DNAH1: variants seen among roughly 807,000 people sequenced by gnomAD.
DNAH1 encodes the protein axonemal beta dynein heavy chain 1.
Under a neutral mutation model 484.3 loss-of-function variants are expected in DNAH1, and 327 were observed. The ratio of observed to expected loss-of-function variants is 0.68; its 90% CI spans 0.62 to 0.74. The LOEUF is 0.74. Among genes scored for constraint, DNAH1 ranks in the 30% least tolerant of loss-of-function variants. The pLI is 0.00. For synonymous variants in DNAH1, 2,192 were observed against 2,191.9 expected (o/e 1.00, Z 0.00); for missense variants, 5,052 against 5,546.8 (o/e 0.91, Z 2.83).
rs1559575655 is a variant in DNAH1 at position 52,396,648 on chromosome 3, CTGTGCTTGTTCCA to C, written c.11464_11476del (p.Cys3822GlyfsTer70). The C allele has an allele frequency of 2.5e-6, 4 of 1,613,602 alleles. No individual in the cohort carries two copies. The highest frequency in any genetic ancestry group is 3.4e-6 in the Non-Finnish European group (4 of 1,179,782). On this transcript the variant is annotated frameshift_variant, in exon 72 of 78. Transcript: ENST00000420323. LOFTEE classifies it high-confidence loss of function. ...GGAGTTCAAGTCTCTGCTGCTGTCT[CTGTGCTTGTTCCA>C]TGGGAACGCCCTGGAGCGCCGTAAG... is the stretch of plus-strand genomic sequence containing the variant.
At chr3:52,380,794 G>A (rs1358111866) in intron 48 of DNAH1, among the ~76,000 whole-genome samples, 2 of 152,210 alleles carry the variant, frequency 1.3e-5, no homozygotes, top group Non-Finnish European at 2.9e-5. Flanking sequence ...GATTGGAGTC[G>A]CCCCAAAAGT....
chr3:52,360,255 C>T, intron 27 of DNAH1, 56 bp from the exon 28 acceptor site: 1 of 1,545,740 alleles, frequency 6.5e-7, no homozygotes. Flanking sequence ...TGACTATATA[C>T]CCTGCCCAGT....
chr3:52,393,987 C>A (rs1262032226), intron 66 of DNAH1, among the ~76,000 whole-genome samples: 1 of 152,266 alleles, frequency 6.6e-6, no homozygotes, highest in Admixed American at 6.5e-5. Context: ...ATGTTGTGAG[C>A]ACAGGCCTTC....
At chr3:52,377,952 T>C (rs1703674825) in intron 46 of DNAH1, among the ~76,000 whole-genome samples, 1 of 152,164 alleles carries the variant, frequency 6.6e-6, no homozygotes, top group Admixed American at 6.5e-5. Flanking sequence ...GGAGTGTGTC[T>C]GTTTGGGTCA....
intron 10 of DNAH1, among the ~76,000 whole-genome samples, chr3:52,346,003 G>C (rs1041743859): frequency 3.3e-5 from 5 of 152,202 alleles, no homozygotes; most frequent in African/African-American, 1.2e-4. Context: ...GTCTTAGAAG[G>C]GGGAGCAGGA....
chr3:52,325,445 C>T (rs1701301266), intron 3 of DNAH1, among the ~76,000 whole-genome samples: 1 of 152,164 alleles, frequency 6.6e-6, no homozygotes, highest in Non-Finnish European at 1.5e-5. Context: ...AAAGCAAATG[C>T]CCACACCCCT....
chr3:52,351,121 A>G (rs116790763), intron 16 of DNAH1, among the ~76,000 whole-genome samples: 265 of 152,272 alleles, frequency 1.7e-3, no homozygotes, highest in Admixed American at 3.7e-3. Flanking sequence ...AACTGCTAGG[A>G]TTATAGGCGT....
At chr3:52,382,540 C>T (rs1175921251) in intron 50 of DNAH1, 85 bp downstream of exon 50, 1 of 1,564,064 alleles carries the variant, frequency 6.4e-7, no homozygotes, top group Non-Finnish European at 8.7e-7. Context: ...GTGGCCAGTC[C>T]TTCATGCCCA....
In DNAH1 at chr3:52,390,938, G is replaced by A. The variant is rs377382857; in HGVS notation, c.9625G>A (p.Ala3209Thr). 45 of 1,551,794 alleles carry A rather than the reference G, an allele frequency of 2.9e-5. No homozygotes were observed. The highest frequency in any genetic ancestry group is 1.8e-4 in the African/African-American group (13 of 73,162). ...TCCAGTGCCTGGCTCTCCACAGATC[G>A]CTGGCCTCCCCAACGACACACTGTC... ...NPVKIRSWQI[A>T]GLPNDTLSVE... Residue 3209 changes from alanine to threonine, a missense_variant, in exon 61 of 78, where the codon GCT (alanine) becomes ACT (threonine). Ala to Thr is a moderately conservative substitution (Grantham distance 58). Coordinates refer to ENST00000420323, the MANE Select transcript of DNAH1 (RefSeq NM_015512.5).
rs1418514320 is a variant in DNAH1, at chr3:52,339,008, TGGGTGACA to T, written c.1287-5480_1287-5473del. 9.2e-5 allele frequency among the ~76,000 whole-genome samples: 14 copies of T among 152,170 alleles called. No homozygotes were observed. The East Asian group carries it at 1.9e-3, about 21-fold the overall frequency. On this transcript the variant is annotated intron_variant, in intron 8 of 77. Coordinates refer to ENST00000420323, the MANE Select transcript of DNAH1 (RefSeq NM_015512.5). ...GAGTTTGTGCCACTGCACTCCAGCC[TGGGTGACA>T]GAGCCAGACTCCGTCTAAAAAAAAA...
At chr3:52,324,561 C>T (rs1164647376) in intron 3 of DNAH1, among the ~76,000 whole-genome samples, 1 of 152,068 alleles carries the variant, frequency 6.6e-6, no homozygotes, top group African/African-American at 2.4e-5. Flanking sequence ...TGCCCCTGTC[C>T]GCCCCTCCTC....
intron 65 of DNAH1, 99 bp from the exon 66 acceptor site, chr3:52,393,235 C>T: frequency 6.4e-7 from 1 of 1,567,348 alleles, no homozygotes; most frequent in Non-Finnish European, 8.7e-7. Flanking sequence ...GCCCAGGCTG[C>T]CCCTACGGCT....
chr3:52,329,728 G>A (rs1231669790), intron 6 of DNAH1, among the ~76,000 whole-genome samples: 1 of 151,986 alleles, frequency 6.6e-6, no homozygotes, highest in East Asian at 1.9e-4. Flanking sequence ...GGGAGGCTGA[G>A]GCAGGAGAAT....
At chr3:52,323,764 C>T (rs1414578990) in intron 2 of DNAH1, 44 bp from the exon 3 acceptor site, 1 of 1,533,806 alleles carries the variant, frequency 6.5e-7, no homozygotes, top group Admixed American at 1.9e-5. Context: ...CTGCCTGTCC[C>T]TGGGAGGTTG....
At position 52,358,839 on chromosome 3, in the gene DNAH1, T is replaced by A; in HGVS notation, c.4266+102T>A. 2 of 1,393,412 alleles carry A rather than the reference T, an allele frequency of 1.4e-6. No individual in the cohort carries two copies. Among genetic ancestry groups the A allele is most frequent in the Non-Finnish European group, 2.0e-6 (2 of 1,017,028 alleles). 86.3% of individuals were successfully genotyped at this position (1,393,412 alleles called of 1,614,324 possible). A position where few individuals can be genotyped will look rare whatever the true frequency, so the allele number is the denominator to read the frequency against. On this transcript the variant is annotated intron_variant, in intron 25 of 77. Transcript: ENST00000420323. This position sits in a 1 kb window ranked among gnomAD's most constrained non-coding sequence, Gnocchi z 4.2. ...CGGCCTCGTCCTCAGGCTGCAGCCC[T>A]GAGGTCCCTGGGGGCTCAGGCGGGA...
chr3:52,373,194 G>C (rs1471202354), intron 44 of DNAH1, 141 bp downstream of exon 44: 4 of 1,247,154 alleles, frequency 3.2e-6, no homozygotes, highest in Non-Finnish European at 4.2e-6. Flanking sequence ...AGGGGAGGAG[G>C]GGGGCCGGCT....
At position 52,396,937 on chromosome 3, in the gene DNAH1, A is replaced by T. The variant is rs1704660715; in HGVS notation, c.11680A>T (p.Ile3894Phe). The part of the protein sequence containing the change: ...RVTDDWDRRC[I>F]MNILEDFYNP... ...CACTGATGACTGGGACCGGCGCTGC[A>T]TCATGAACATCTTGGAGGACTTCTA... Residue 3894 changes from isoleucine (I) to phenylalanine (F), a missense_variant, in exon 73 of 78, where the codon ATC (isoleucine) becomes TTC (phenylalanine). Physicochemically the swap from Ile to Phe is conservative, Grantham distance 21. Transcript: ENST00000420323. 2 of 1,612,408 alleles carry T rather than the reference A, an allele frequency of 1.2e-6. No homozygotes were observed. The highest frequency in any genetic ancestry group is 1.7e-6 in the Non-Finnish European group (2 of 1,179,478).
chr3:52,384,834 G>A lies in DNAH1; in HGVS notation c.8371G>A (p.Glu2791Lys), dbSNP rs375976311. Residue 2791 changes from glutamate to lysine, a missense_variant, in exon 53 of 78, where the codon GAG (glutamate) becomes AAG (lysine). Coordinates refer to ENST00000420323, the MANE Select transcript of DNAH1 (RefSeq NM_015512.5). ...CCAGTCGGTGTCCAAGAAGTGCATC[G>A]AGTACCTGGCAGAGCTGACCCGCCA... ...IHQSVSKKCIEYLAELTRHNY... is the reference protein window; with the variant it reads ...IHQSVSKKCIKYLAELTRHNY... The A allele has an allele frequency of 7.5e-6, 12 of 1,604,584 alleles. No homozygotes were observed. Among genetic ancestry groups the A allele is most frequent in the African/African-American group, 2.7e-5 (2 of 74,636 alleles).
At position 52,381,077 on chromosome 3, in the gene DNAH1, G is replaced by T. The variant is rs1703823298; in HGVS notation, c.7609-563G>T. Among the ~76,000 whole-genome samples the T allele has an allele frequency of 1.3e-5, 2 of 152,002 alleles. No homozygotes were observed. The highest frequency in any genetic ancestry group is 1.3e-4 in the Admixed American group (2 of 15,254). On this transcript the variant is annotated intron_variant, in intron 48 of 77. Coordinates refer to ENST00000420323, the MANE Select transcript of DNAH1 (RefSeq NM_015512.5). This position sits in a 1 kb window ranked among gnomAD's most constrained non-coding sequence, Gnocchi z 4.1. The stretch of plus-strand genomic sequence containing the variant: ...TAACAATATGCTTGATCCCCCCGTG[G>T]GTTTTATTTTTGCTTTTGTTTTTGT...
Sources: gnomAD v4.1 joint callset for allele counts (sites outside exome capture counted in the v4.1 genomes callset) on GRCh38, gnomAD v4.1.1 for gene constraint, Gnocchi (gnomAD v3.1) non-coding constraint, MANE v1.5 for transcripts, NCBI Gene and HGNC (gene_info 2026-07-23, HGNC 2026-07-21) for gene names.